Variants in ANK2 observed in about 807,000 individuals in gnomAD.
The protein encoded by ANK2 is ankyrin 2.
ANK2 carries 83 observed loss-of-function variants against 360.5 expected under a neutral mutation model. The ratio of observed to expected loss-of-function variants is 0.23; its 90% CI spans 0.19 to 0.28. The LOEUF (loss-of-function observed/expected upper bound fraction) is 0.28. Ranked by LOEUF, ANK2 falls within the 10% of genes least tolerant of loss-of-function variation. The probability of loss-of-function intolerance (pLI) is 1.00; values close to 1 mark genes in which losing one functional copy is unlikely to be tolerated. For synonymous variants in ANK2, 1,740 were observed against 1,759.5 expected, an observed-to-expected ratio of 0.99 and a Z score of 0.28; for missense variants, 4,201 against 4,795.7, an observed-to-expected ratio of 0.88 and a Z score of 3.66.
chr4:112,722,396 TACAC>T, the ANK2 span, among the ~76,000 whole-genome samples: 3 of 152,132 alleles, frequency 2.0e-5, no homozygotes, highest in Non-Finnish European at 2.9e-5. Flanking sequence ...CGTGCACATA[TACAC>T]ACACACCTTT....
chr4:112,774,983 A>G, the ANK2 span, among the ~76,000 whole-genome samples: 1 of 152,198 alleles, frequency 6.6e-6, no homozygotes, highest in Non-Finnish European at 1.5e-5. Context: ...TGAAATTTGT[A>G]CTGATATTCA....
chr4:113,372,503 A>G (rs1564175593), intron 43 of ANK2: 1 of 1,406,012 alleles, frequency 7.1e-7, no homozygotes, highest in Non-Finnish European at 9.7e-7. Flanking sequence ...TAGCATGTTA[A>G]ACAAAGCAAT....
In ANK2 at chr4:113,355,862, G is replaced by A. The variant is rs749832637; in HGVS notation, c.7244G>A (p.Ser2415Asn). The change falls in exon 38 of 46, where the codon AGC becomes AAC. Residue 2415 changes from serine to asparagine, a missense_variant. Ser to Asn is a conservative substitution (Grantham distance 46). This residue lies in a region of ANK2 where 2,642 missense variants were observed against 2,714.5 expected (regional missense o/e 0.97). Transcript: ENST00000357077. ...CAAGGGTTAGAACTTGCACTCCCTA[G>A]CCGAGATAGCGAAGTCCTCAGCGCT... Reference protein sequence around the residue: ...SPQGLELALPSRDSEVLSAVA... With the variant: ...SPQGLELALPNRDSEVLSAVA... 5.6e-6 allele frequency: 9 copies of A among 1,613,946 alleles called. No homozygotes were observed. The African/African-American group carries it at 6.7e-5, about 12-fold the overall frequency.
intron 1 of ANK2, among the ~76,000 whole-genome samples, chr4:113,064,373 A>G (rs1166030664): frequency 1.3e-5 from 2 of 152,050 alleles, no homozygotes; most frequent in Non-Finnish European, 2.9e-5. Flanking sequence ...TTTTAATCGT[A>G]TTTACCATAC....
rs2153601468 is a variant in ANK2 at position 113,249,786 on chromosome 4, G to A, written c.914G>A (p.Cys305Tyr). Residue 305 changes from cysteine (C) to tyrosine (Y), a missense_variant, in exon 10 of 46, where the codon TGT (cysteine) becomes TAT (tyrosine). By Grantham distance (194) the Cys-to-Tyr change is radical. Coordinates refer to ENST00000357077, the MANE Select transcript of ANK2 (RefSeq NM_001148.6). ...CAGGATGGGTTGACACCACTTCACT[G>A]TGCTGCACGAAGTGGGCATGACCAA... ...KTRDGLTPLH[C>Y]AARSGHDQVV... 1.2e-6 allele frequency: 2 copies of A among 1,614,136 alleles called. No homozygotes were observed. The highest frequency in any genetic ancestry group is 1.7e-6 in the Non-Finnish European group (2 of 1,180,034).
chr4:113,112,126 G>T (rs1017967173), intron 1 of ANK2, among the ~76,000 whole-genome samples: 8 of 152,140 alleles, frequency 5.3e-5, no homozygotes, highest in African/African-American at 1.9e-4. Flanking sequence ...ATAATTTTAA[G>T]TTCAATCCCT....
chr4:112,718,296 G>A, the ANK2 span, among the ~76,000 whole-genome samples: 2 of 152,138 alleles, frequency 1.3e-5, no homozygotes, highest in Admixed American at 6.6e-5. Context: ...TAAGTGGATA[G>A]CCCTCATCCT....
At chr4:113,165,475 G>A (rs1485586) in intron 1 of ANK2, among the ~76,000 whole-genome samples, 64,562 of 151,908 alleles carry the variant, frequency 0.43, 15,193 homozygotes, top group African/African-American at 0.62. Flanking sequence ...CTTGTATAAT[G>A]TTTTGATTTC....
At chr4:112,976,311 A>G (rs1428805218) in intron 2 of ANK2, among the ~76,000 whole-genome samples, 1 of 151,834 alleles carries the variant, frequency 6.6e-6, no homozygotes. Context: ...GTCCTGCCTC[A>G]GCCTCCTGAG....
intron 1 of ANK2, among the ~76,000 whole-genome samples, chr4:112,866,690 AT>A (rs746776042): frequency 2.6e-5 from 4 of 151,330 alleles, no homozygotes; most frequent in Admixed American, 6.6e-5. Context: ...TTCTCGTGTT[AT>A]TTTTTTTTAA....
At chr4:113,043,651 C>G (rs1482051426) in intron 2 of ANK2, among the ~76,000 whole-genome samples, 2 of 152,006 alleles carry the variant, frequency 1.3e-5, no homozygotes, top group Non-Finnish European at 2.9e-5. Flanking sequence ...CTTTTCCCCA[C>G]TGATAACAAA....
At chr4:113,222,381 C>T (rs2099160867) in intron 4 of ANK2, among the ~76,000 whole-genome samples, 1 of 148,458 alleles carries the variant, frequency 6.7e-6, no homozygotes, top group Non-Finnish European at 1.5e-5. Context: ...TACAGGTGTT[C>T]TCTGAAACAA....
chr4:112,998,080 A>G (rs867763054), intron 2 of ANK2, among the ~76,000 whole-genome samples: 7 of 152,180 alleles, frequency 4.6e-5, no homozygotes, highest in Admixed American at 1.3e-4. Context: ...ATCAGAAGCT[A>G]CTAGAATTAT....
the ANK2 span, among the ~76,000 whole-genome samples, chr4:112,792,693 A>T: frequency 2.0e-5 from 3 of 152,192 alleles, no homozygotes; most frequent in East Asian, 3.8e-4. Context: ...ATTTCATCTG[A>T]TACAAGGTAT....
At chr4:112,913,184 C>T (rs1394317930) in intron 2 of ANK2, among the ~76,000 whole-genome samples, 1 of 152,058 alleles carries the variant, frequency 6.6e-6, no homozygotes, top group Non-Finnish European at 1.5e-5. Flanking sequence ...TTGATAATAG[C>T]ATAGTGCTAT....
chr4:113,206,638 G>A (rs1192374892), intron 4 of ANK2, among the ~76,000 whole-genome samples: 1 of 143,142 alleles, frequency 7.0e-6, no homozygotes, highest in Non-Finnish European at 1.5e-5. Context: ...ATTTGCAGGG[G>A]CATCTGTGCT....
At chr4:112,884,341 A>C (rs1011041083) in intron 1 of ANK2, among the ~76,000 whole-genome samples, 2 of 152,106 alleles carry the variant, frequency 1.3e-5, no homozygotes, top group Admixed American at 1.3e-4. Flanking sequence ...GGTTTTGTGG[A>C]TCTTGTGGTT....
rs140780322 is a variant in ANK2 at position 113,016,014 on chromosome 4, C to CT, written c.21+111509dup. ...CTCATCAGAGAAAATTCTCATATGG[C>CT]TTTTTTTTTCAAAAATTTTTTTTTT... is the stretch of plus-strand genomic sequence containing the variant. On this transcript the variant is annotated intron_variant, in intron 2 of 30. Transcript: ENST00000503271. Among the ~76,000 whole-genome samples the CT allele has an allele frequency of 3.2e-3, 489 of 150,528 alleles. 2 individuals carry two copies. Among genetic ancestry groups the CT allele is most frequent in the Non-Finnish European group, 5.1e-3 (346 of 67,554 alleles).
intron 2 of ANK2, among the ~76,000 whole-genome samples, chr4:112,957,007 G>GTTT (rs56066718): frequency 5.3e-4 from 35 of 66,460 alleles, no homozygotes; most frequent in South Asian, 2.9e-3. Context: ...TATTGCTCTT[G>GTTT]TTTTTTTTTT....
Sources: allele counts gnomAD v4.1 joint callset (sites outside exome capture counted in the v4.1 genomes callset), GRCh38; gene constraint gnomAD v4.1.1; regional missense constraint gnomAD v4.1.1; transcripts MANE v1.5; gene names NCBI Gene and HGNC (gene_info 2026-07-23, HGNC 2026-07-21).